Variants in NKAIN3 observed in about 807,000 individuals in gnomAD.
NKAIN3 encodes the protein sodium/potassium-transporting ATPase subunit beta-1-interacting protein 3.
In NKAIN3, 25 loss-of-function variants were observed where a neutral mutation model predicts 30.2. The observed-to-expected ratio is 0.83, with a 90% CI of 0.60 to 1.16. The LOEUF (loss-of-function observed/expected upper bound fraction) is 1.16. Among genes scored for constraint, NKAIN3 ranks in the 50% most tolerant of loss-of-function variants. The pLI, the probability that NKAIN3 is intolerant of heterozygous loss-of-function variation, is 0.00. For missense variants in NKAIN3, 225 were observed against 254.1 expected (o/e 0.89, Z 0.78); for synonymous variants, 91 against 89.6 (o/e 1.02, Z -0.09).
At chr8:62,536,263 C>T (rs1808659697) in intron 1 of NKAIN3, among the ~76,000 whole-genome samples, 1 of 152,062 alleles carries the variant, frequency 6.6e-6, no homozygotes, top group South Asian at 2.1e-4. Context: ...CTTCAAAAAG[C>T]AATGCGGGCA....
chr8:62,896,195 C>T (rs2130830777), intron 4 of NKAIN3, among the ~76,000 whole-genome samples: 1 of 152,174 alleles, frequency 6.6e-6, no homozygotes, highest in Admixed American at 6.5e-5. Context: ...TGGATGCCTT[C>T]TGTCTGTAAC....
At position 62,706,832 on chromosome 8, in the gene NKAIN3, C is replaced by A. The variant is rs371192510; in HGVS notation, c.274-40100C>A. On this transcript the variant is annotated intron_variant, in intron 3 of 6. Coordinates refer to ENST00000623646, the MANE Select transcript of NKAIN3 (RefSeq NM_001304533.3). ...TATTTGTAGTCTTTCATCCCTTGCT[C>A]CCCTCCCACTCTTCCTCCCAAGTCC... 1.3e-4 allele frequency among the ~76,000 whole-genome samples: 20 copies of A among 152,074 alleles called. No homozygotes were observed. In the East Asian group the frequency reaches 3.3e-3, roughly 25 times the overall value.
chr8:62,896,805 G>A (rs572552562), intron 4 of NKAIN3, among the ~76,000 whole-genome samples: 1 of 152,234 alleles, frequency 6.6e-6, no homozygotes, highest in South Asian at 2.1e-4. Context: ...AATTTGGATG[G>A]ATAAAAAGGC....
At chr8:62,904,835 C>T in intron 4 of NKAIN3, among the ~76,000 whole-genome samples, 1 of 152,200 alleles carries the variant, frequency 6.6e-6, no homozygotes, top group East Asian at 1.9e-4. Flanking sequence ...ATAGTAGAGA[C>T]AAACATGTAA....
chr8:62,419,017 T>A (rs1168815808), intron 1 of NKAIN3, among the ~76,000 whole-genome samples: 1 of 152,170 alleles, frequency 6.6e-6, no homozygotes, highest in Non-Finnish European at 1.5e-5. Flanking sequence ...AGCATGACTC[T>A]ACAAGTGGGT....
intron 4 of NKAIN3, among the ~76,000 whole-genome samples, chr8:62,825,193 T>G (rs1563580425): frequency 6.6e-6 from 1 of 152,196 alleles, no homozygotes; most frequent in Admixed American, 6.6e-5. Context: ...TTGAAGTATG[T>G]GTTAGAAAGT....
chr8:62,307,183 G>A lies in NKAIN3; in HGVS notation c.54+58056G>A, dbSNP rs140357102. Among the ~76,000 whole-genome samples the A allele has an allele frequency of 1.5e-3, 216 of 147,674 alleles. 17 individuals carry two copies. Among genetic ancestry groups the A allele is most frequent in the African/African-American group, 5.3e-3 (204 of 38,382 alleles). On this transcript the variant is annotated intron_variant, in intron 1 of 6. Transcript: ENST00000623646. ...CCTGGTGACACTGACCACCCCATAT[G>A]TGACTCCATTTTAAATATCCTACTT...
At chr8:62,655,329 T>C (rs1812734427) in intron 3 of NKAIN3, among the ~76,000 whole-genome samples, 1 of 152,172 alleles carries the variant, frequency 6.6e-6, no homozygotes, top group Non-Finnish European at 1.5e-5. Flanking sequence ...TAGGCTGTCA[T>C]TAAAATATTT....
chr8:62,929,739 A>G (rs1822561678), intron 5 of NKAIN3, among the ~76,000 whole-genome samples: 1 of 152,144 alleles, frequency 6.6e-6, no homozygotes, highest in South Asian at 2.1e-4. Flanking sequence ...TAAGCTCTAA[A>G]TCAAGCTTGT....
chr8:62,821,393 T>G (rs1818843726), intron 4 of NKAIN3, among the ~76,000 whole-genome samples: 1 of 152,152 alleles, frequency 6.6e-6, no homozygotes, highest in South Asian at 2.1e-4. Flanking sequence ...TCTTTTCTAT[T>G]CTTAACAAAA....
chr8:62,500,770 G>T (rs1435669615), intron 1 of NKAIN3, among the ~76,000 whole-genome samples: 1 of 152,156 alleles, frequency 6.6e-6, no homozygotes, highest in Non-Finnish European at 1.5e-5. Context: ...GAAGGCAGAA[G>T]CCTCAAAGGC....
At chr8:62,835,025 A>C (rs150658257) in intron 4 of NKAIN3, among the ~76,000 whole-genome samples, 1 of 152,238 alleles carries the variant, frequency 6.6e-6, no homozygotes, top group East Asian at 1.9e-4. Flanking sequence ...AAAGCCACAC[A>C]AGTGCAACCA....
intron 1 of NKAIN3, among the ~76,000 whole-genome samples, chr8:62,423,195 A>G (rs529278024): frequency 2.0e-5 from 3 of 152,224 alleles, no homozygotes; most frequent in East Asian, 3.9e-4. Flanking sequence ...AAATGTAGCC[A>G]CTGACTGGAC....
intron 4 of NKAIN3, among the ~76,000 whole-genome samples, chr8:62,808,703 C>T (rs1818385453): frequency 6.6e-6 from 1 of 152,086 alleles, no homozygotes; most frequent in African/African-American, 2.4e-5. Flanking sequence ...ACAGAGATCA[C>T]ATGCTTCACA....
intron 4 of NKAIN3, among the ~76,000 whole-genome samples, chr8:62,830,646 C>T (rs1819168151): frequency 6.6e-6 from 1 of 152,196 alleles, no homozygotes. Context: ...CCTCTCCACT[C>T]CAAGCCCAGG....
chr8:62,669,441 G>A (rs1813230897), intron 3 of NKAIN3, among the ~76,000 whole-genome samples: 1 of 152,110 alleles, frequency 6.6e-6, no homozygotes, highest in East Asian at 1.9e-4. Flanking sequence ...TGTGACCCAG[G>A]CCATGGTCAC....
At chr8:62,770,591 G>T (rs1434739980) in intron 4 of NKAIN3, among the ~76,000 whole-genome samples, 2 of 151,982 alleles carry the variant, frequency 1.3e-5, no homozygotes, top group Non-Finnish European at 2.9e-5. Flanking sequence ...ACATTTATAA[G>T]GGATCCACTG....
At chr8:62,569,721 A>G (rs571497316) in intron 1 of NKAIN3, among the ~76,000 whole-genome samples, 124 of 152,008 alleles carry the variant, frequency 8.2e-4, no homozygotes, top group African/African-American at 2.8e-3. Context: ...GGTTGCAGTG[A>G]GTCAAGATTG....
chr8:62,759,127 C>G (rs971774427), intron 4 of NKAIN3, among the ~76,000 whole-genome samples: 1 of 151,976 alleles, frequency 6.6e-6, no homozygotes, highest in African/African-American at 2.4e-5. Flanking sequence ...AAACAATAAC[C>G]ACATCAAAAT....
Sources: gnomAD v4.1 joint callset for allele counts (sites outside exome capture counted in the v4.1 genomes callset) on GRCh38, gnomAD v4.1.1 for gene constraint, MANE v1.5 for transcripts, NCBI Gene and HGNC (gene_info 2026-07-23, HGNC 2026-07-21) for gene names.